CDC73: variants seen among roughly 807,000 people sequenced by gnomAD.
CDC73 encodes the protein cell division cycle 73, also known as parafibromin.
CDC73 carries 21 observed loss-of-function variants against 83.7 expected under a neutral mutation model. The ratio of observed to expected loss-of-function variants is 0.25; its 90% CI spans 0.18 to 0.36. The LOEUF (loss-of-function observed/expected upper bound fraction) is 0.36. CDC73 is among the 10% of genes least tolerant of loss of function. CDC73 has a pLI of 1.00. For missense variants in CDC73, 342 were observed against 653.3 expected (o/e 0.52, Z 5.19); for synonymous variants, 224 against 212.9 (o/e 1.05, Z -0.45).
intron 10 of CDC73, among the ~76,000 whole-genome samples, chr1:193,200,758 C>CGTGT (rs112571232): frequency 2.4e-4 from 36 of 150,640 alleles, no homozygotes; most frequent in African/African-American, 8.0e-4. Flanking sequence ...TAATACATTC[C>CGTGT]GTGTGTGTGT....
In CDC73 at chr1:193,171,075, A is replaced by G. The variant is rs575941686; in HGVS notation, c.972+18631A>G. 2.6e-5 allele frequency among the ~76,000 whole-genome samples: 4 copies of G among 152,288 alleles called. No individual in the cohort carries two copies. The East Asian group carries it at 7.7e-4, about 29-fold the overall frequency. ...AGACTGAGGCACACACTGGCAAGCA[A>G]ATTGCTTTAGGAACTATTGGCAAAC... On this transcript the variant is annotated intron_variant, in intron 10 of 16. Coordinates refer to ENST00000367435, the MANE Select transcript of CDC73 (RefSeq NM_024529.5).
rs1678033204 is a variant in CDC73 at position 193,250,835 on chromosome 1, A to G, written c.*123A>G. On this transcript the variant is annotated 3_prime_UTR_variant, in exon 17 of 17. Transcript: ENST00000367435. ...GACCTTATTTGATGCTTTGTGCTTC[A>G]AGGAGATGATACCTGTCATCCATAT... 1 of 901,622 alleles carries G rather than the reference A, an allele frequency of 1.1e-6. No homozygotes were observed. Among genetic ancestry groups the G allele is most frequent in the Non-Finnish European group, 1.8e-6 (1 of 553,582 alleles). 55.9% of individuals were successfully genotyped at this position (901,622 alleles called of 1,614,324 possible). A position where few individuals can be genotyped will look rare whatever the true frequency, so the allele number is the denominator to read the frequency against.
chr1:193,240,721 A>G (rs1426485886), intron 15 of CDC73, among the ~76,000 whole-genome samples: 3 of 151,384 alleles, frequency 2.0e-5, no homozygotes, highest in Non-Finnish European at 2.9e-5. Flanking sequence ...TTAATTGTTG[A>G]GTTTCTTGCA....
Position 193,253,524 on chromosome 1 carries a change from G to T in CDC73, c.*2812G>T. On this transcript the variant is annotated 3_prime_UTR_variant, in exon 17 of 17. Coordinates refer to ENST00000367435, the MANE Select transcript of CDC73 (RefSeq NM_024529.5). ...ATTTTTAATTATTTATTTAATATAG[G>T]AGTATTTTACTGTTTAATATTTAAA... 1 of 231,920 alleles carries T rather than the reference G, an allele frequency of 4.3e-6. No individual in the cohort carries two copies. Among genetic ancestry groups the T allele is most frequent in the East Asian group, 6.1e-5 (1 of 16,352 alleles). 14.4% of individuals were successfully genotyped at this position (231,920 alleles called of 1,614,324 possible). A position where few individuals can be genotyped will look rare whatever the true frequency, so the allele number is the denominator to read the frequency against.
intron 16 of CDC73, among the ~76,000 whole-genome samples, 168 bp from the exon 17 acceptor site, chr1:193,250,508 G>A (rs186729170): frequency 6.6e-6 from 1 of 151,798 alleles, no homozygotes; most frequent in East Asian, 1.9e-4. Flanking sequence ...TAAGAGGAGT[G>A]TTATTTCTAG....
intron 10 of CDC73, among the ~76,000 whole-genome samples, chr1:193,160,071 C>A (rs952980520): frequency 6.6e-6 from 1 of 152,142 alleles, no homozygotes; most frequent in Non-Finnish European, 1.5e-5. Flanking sequence ...CTGGTTGATA[C>A]ATTTTGTGTA....
chr1:193,239,789 A>G (rs556962545), intron 15 of CDC73, among the ~76,000 whole-genome samples: 1 of 152,258 alleles, frequency 6.6e-6, no homozygotes, highest in Admixed American at 6.5e-5. Flanking sequence ...AATATATAAT[A>G]CATTATTGTT....
intron 15 of CDC73, among the ~76,000 whole-genome samples, chr1:193,246,283 G>A (rs1483662281): frequency 1.3e-5 from 2 of 152,102 alleles, no homozygotes; most frequent in East Asian, 3.9e-4. Context: ...AGTTGATTTT[G>A]TATGGGGTGA....
chr1:193,124,804 C>T (rs942700525), intron 1 of CDC73, among the ~76,000 whole-genome samples: 2 of 152,154 alleles, frequency 1.3e-5, no homozygotes, highest in African/African-American at 2.4e-5. Context: ...GGATCCTCTT[C>T]GATATGGATC....
chr1:193,221,330 G>T (rs10921327), intron 13 of CDC73, among the ~76,000 whole-genome samples: 1 of 151,750 alleles, frequency 6.6e-6, no homozygotes. Context: ...TCATATCCAC[G>T]CCTGGGACTC....
chr1:193,229,214 A>G (rs1038786496), intron 13 of CDC73, among the ~76,000 whole-genome samples: 45 of 152,340 alleles, frequency 3.0e-4, no homozygotes, highest in African/African-American at 1.0e-3. Context: ...ACTTGGAGGT[A>G]TTTACATAAG....
chr1:193,226,599 C>T (rs1465760543), intron 13 of CDC73, among the ~76,000 whole-genome samples: 1 of 152,136 alleles, frequency 6.6e-6, no homozygotes, highest in East Asian at 1.9e-4. Flanking sequence ...GTTTTTAATT[C>T]TGTTTATGTA....
chr1:193,215,362 G>GAT (rs1255064641), intron 13 of CDC73, among the ~76,000 whole-genome samples: 8 of 152,110 alleles, frequency 5.3e-5, no homozygotes, highest in Non-Finnish European at 8.8e-5. Flanking sequence ...CAAAAATACT[G>GAT]ATATATAAAA....
intron 15 of CDC73, chr1:193,237,100 C>A (rs946786459): frequency 6.6e-6 from 1 of 151,738 alleles, no homozygotes; most frequent in Admixed American, 6.5e-5. Context: ...TCCGCCACCA[C>A]GCCCGGCTAA....
chr1:193,152,937 T>C (rs906553377), intron 10 of CDC73, among the ~76,000 whole-genome samples: 1 of 152,034 alleles, frequency 6.6e-6, no homozygotes, highest in African/African-American at 2.4e-5. Context: ...CCCACCACCA[T>C]GCCCAGCTAA....
chr1:193,251,340 T>C lies in CDC73; in HGVS notation c.*628T>C, dbSNP rs776019879. On this transcript the variant is annotated 3_prime_UTR_variant, in exon 17 of 17. Transcript: ENST00000367435. ...TGAATGTACATTCTTCTCACTGACT[T>C]TGGTGATTTTGAAACCTAGAATGAT... is the stretch of plus-strand genomic sequence containing the variant. 1.3e-5 allele frequency: 3 copies of C among 231,918 alleles called. No homozygotes were observed. The highest frequency in any genetic ancestry group is 2.6e-5 in the Non-Finnish European group (3 of 116,958). The allele number at this position is 231,918 out of a possible 1,614,324, so 14.4% of individuals were successfully genotyped here. A position where few individuals can be genotyped will look rare whatever the true frequency, so the allele number is the denominator to read the frequency against.
At chr1:193,225,031 C>T (rs1206611807) in intron 13 of CDC73, among the ~76,000 whole-genome samples, 1 of 151,774 alleles carries the variant, frequency 6.6e-6, no homozygotes, top group Admixed American at 6.6e-5. Context: ...TCCCTCACCC[C>T]CCTCCCACAG....
intron 16 of CDC73, 123 bp downstream of exon 16, chr1:193,249,994 G>T: frequency 3.4e-6 from 3 of 870,582 alleles, no homozygotes; most frequent in Non-Finnish European, 3.8e-6. Flanking sequence ...ACATTAACTT[G>T]ATGCTTATCT....
chr1:193,167,227 G>T (rs998886466), intron 10 of CDC73, among the ~76,000 whole-genome samples: 1 of 152,140 alleles, frequency 6.6e-6, no homozygotes. Context: ...TTGTTTGGTA[G>T]CATCAGCATC....
Sources: gnomAD v4.1 joint callset for allele counts (sites outside exome capture counted in the v4.1 genomes callset) on GRCh38, gnomAD v4.1.1 for gene constraint, MANE v1.5 for transcripts, NCBI Gene and HGNC (gene_info 2026-07-23, HGNC 2026-07-21) for gene names.